CNOT4: variants seen among roughly 807,000 people sequenced by gnomAD.
CNOT4 encodes the protein CCR4-associated factor 4.
CNOT4 carries 8 observed loss-of-function variants against 73.8 expected under a neutral mutation model. That is an observed-to-expected ratio of 0.11 (90% confidence interval 0.06 to 0.20). The LOEUF (loss-of-function observed/expected upper bound fraction) is 0.20. Among genes scored for constraint, CNOT4 ranks in the 10% least tolerant of loss-of-function variants. The probability of loss-of-function intolerance (pLI) is 1.00; values close to 1 mark genes in which losing one functional copy is unlikely to be tolerated. For synonymous variants in CNOT4, 293 were observed against 321.1 expected (o/e 0.91, Z 0.94); for missense variants, 564 against 883.4 (o/e 0.64, Z 4.58).
At chr7:135,380,420 A>G (rs6961968) in intron 10 of CNOT4, among the ~76,000 whole-genome samples, 5,295 of 152,302 alleles carry the variant, frequency 0.035, 312 homozygotes, top group African/African-American at 0.12. Flanking sequence ...TGTAGTTAGC[A>G]TAAGTTTATT....
intron 10 of CNOT4, among the ~76,000 whole-genome samples, chr7:135,390,122 A>C (rs912139071): frequency 5.9e-5 from 9 of 152,100 alleles, no homozygotes; most frequent in Admixed American, 2.0e-4. Context: ...ATGAGTTGAT[A>C]CTGTTGATAA....
At chr7:135,471,380 T>C (rs1801565816) in intron 1 of CNOT4, among the ~76,000 whole-genome samples, 1 of 152,136 alleles carries the variant, frequency 6.6e-6, no homozygotes, top group African/African-American at 2.4e-5. Context: ...ACTTATAAAA[T>C]CTGAGGGTCC....
At chr7:135,431,640 G>A (rs1798849542) in intron 2 of CNOT4, among the ~76,000 whole-genome samples, 1 of 152,038 alleles carries the variant, frequency 6.6e-6, no homozygotes, top group Admixed American at 6.5e-5. Flanking sequence ...CTACTCCAGA[G>A]GCTGAGGCAG....
chr7:135,409,771 AG>A (rs1468892988), intron 7 of CNOT4, among the ~76,000 whole-genome samples: 1 of 152,136 alleles, frequency 6.6e-6, no homozygotes, highest in African/African-American at 2.4e-5. Flanking sequence ...CAAATAAAAA[AG>A]AACAAAAAAC....
chr7:135,383,636 T>C (rs1024453429), intron 10 of CNOT4, among the ~76,000 whole-genome samples: 21 of 152,238 alleles, frequency 1.4e-4, no homozygotes, highest in Non-Finnish European at 2.2e-4. Context: ...AGAGAGTATA[T>C]AGACGGTTAC....
chr7:135,497,339 G>T (rs1185264223), intron 1 of CNOT4, among the ~76,000 whole-genome samples: 2 of 152,062 alleles, frequency 1.3e-5, no homozygotes, highest in Non-Finnish European at 2.9e-5. Context: ...AACCCAGGAG[G>T]CGGAGGTTGT....
At chr7:135,507,580 G>A (rs1477030041) in intron 1 of CNOT4, among the ~76,000 whole-genome samples, 1 of 151,996 alleles carries the variant, frequency 6.6e-6, no homozygotes, top group Non-Finnish European at 1.5e-5. Flanking sequence ...AGAATTACTT[G>A]AGAAAATATT....
intron 10 of CNOT4, among the ~76,000 whole-genome samples, chr7:135,375,596 C>T (rs1181939967): frequency 1.3e-5 from 2 of 152,106 alleles, no homozygotes; most frequent in Non-Finnish European, 2.9e-5. Flanking sequence ...AATGAGGACT[C>T]GCCTGGTAAG....
At chr7:135,475,193 G>A (rs754467972) in intron 1 of CNOT4, among the ~76,000 whole-genome samples, 46 of 152,130 alleles carry the variant, frequency 3.0e-4, no homozygotes, top group Non-Finnish European at 1.6e-4. Flanking sequence ...CTACATTTTA[G>A]AATCTCATCA....
intron 2 of CNOT4, among the ~76,000 whole-genome samples, chr7:135,426,758 A>G (rs1798527852): frequency 6.6e-6 from 1 of 151,956 alleles, no homozygotes; most frequent in African/African-American, 2.4e-5. Context: ...CCCTGTTTCT[A>G]CTAAAAATAC....
At chr7:135,462,727 T>C (rs1800952873) in intron 1 of CNOT4, among the ~76,000 whole-genome samples, 1 of 152,194 alleles carries the variant, frequency 6.6e-6, no homozygotes, top group Non-Finnish European at 1.5e-5. Context: ...CAGTCTTGGA[T>C]TCTTAAAATA....
At chr7:135,382,774 A>G (rs952936072) in intron 10 of CNOT4, among the ~76,000 whole-genome samples, 1 of 152,238 alleles carries the variant, frequency 6.6e-6, no homozygotes, top group African/African-American at 2.4e-5. Context: ...GAAGTAATCT[A>G]GAGATTATTT....
intron 1 of CNOT4, among the ~76,000 whole-genome samples, chr7:135,441,842 A>C (rs1341176321): frequency 1.3e-5 from 2 of 152,072 alleles, no homozygotes; most frequent in Non-Finnish European, 2.9e-5. Context: ...GTTTAGGGGG[A>C]GGTTTAGAGG....
At chr7:135,400,337 C>G (rs188535308) in intron 7 of CNOT4, among the ~76,000 whole-genome samples, 1 of 151,812 alleles carries the variant, frequency 6.6e-6, no homozygotes, top group African/African-American at 2.4e-5. Context: ...AATTTGGTGG[C>G]GGAACATAAT....
intron 2 of CNOT4, among the ~76,000 whole-genome samples, 192 bp downstream of exon 2, chr7:135,437,966 A>T (rs930767684): frequency 6.6e-6 from 1 of 152,190 alleles, no homozygotes; most frequent in Non-Finnish European, 1.5e-5. Flanking sequence ...CAGCTAGTAA[A>T]CAAAGCCAAG....
At chr7:135,372,009 A>G (rs897681836) in intron 10 of CNOT4, among the ~76,000 whole-genome samples, 3 of 152,220 alleles carry the variant, frequency 2.0e-5, no homozygotes, top group African/African-American at 7.2e-5. Context: ...GGTCAAGGGA[A>G]TGTAAAATAA....
At chr7:135,366,945 G>A (rs554416526) in intron 10 of CNOT4, among the ~76,000 whole-genome samples, 1 of 152,170 alleles carries the variant, frequency 6.6e-6, no homozygotes, top group South Asian at 2.1e-4. Flanking sequence ...TTGGCTGCGA[G>A]GGCTTCTGGC....
chr7:135,509,763 G>T, intron 1 of CNOT4, 126 bp downstream of exon 1: 1 of 341,150 alleles, frequency 2.9e-6, no homozygotes. Flanking sequence ...AGGAGGAGGA[G>T]GGTGAAGATG....
intron 10 of CNOT4, chr7:135,388,495 A>T (rs1352609740): frequency 9.9e-7 from 1 of 1,009,298 alleles, no homozygotes; most frequent in South Asian, 4.6e-5. Flanking sequence ...CCAAAATAAC[A>T]ACAATTCTAG....
Sources: allele counts gnomAD v4.1 joint callset (sites outside exome capture counted in the v4.1 genomes callset), GRCh38; gene constraint gnomAD v4.1.1; transcripts MANE v1.5; gene names NCBI Gene and HGNC (gene_info 2026-07-23, HGNC 2026-07-21).